The following MRE11 variants were observed in gnomAD, a reference collection of about 807,000 sequenced individuals.
MRE11 encodes the protein double-strand break repair protein MRE11.
Under a neutral mutation model 91.7 loss-of-function variants are expected in MRE11, and 62 were observed. The ratio of observed to expected loss-of-function variants is 0.68; its 90% CI spans 0.55 to 0.84. The LOEUF (loss-of-function observed/expected upper bound fraction) is 0.84. MRE11 is among the 40% of genes least tolerant of loss of function. The probability of loss-of-function intolerance (pLI) is 0.00; values close to 1 mark genes in which losing one functional copy is unlikely to be tolerated. For synonymous variants in MRE11, 273 were observed against 271.4 expected (o/e 1.01, Z -0.06); for missense variants, 796 against 852.9 (o/e 0.93, Z 0.83).
Position 94,446,955 on chromosome 11 carries a change from C to T in MRE11, c.1783+264G>A, listed in dbSNP as rs182738349. 1.1e-3 allele frequency among the ~76,000 whole-genome samples: 172 copies of T among 152,254 alleles called. 2 individuals carry two copies. The highest frequency in any genetic ancestry group is 4.0e-3 in the African/African-American group (165 of 41,542). On this transcript the variant is annotated intron_variant, in intron 15 of 19. Coordinates refer to ENST00000323929, the MANE Select transcript of MRE11 (RefSeq NM_005591.4). ...CATTAAATGTATCCAAAAGGTACTA[C>T]GTGACAAACACAGTGAAGCTTTTAT...
chr11:94,491,969 T>G (rs1248945459), intron 2 of MRE11, among the ~76,000 whole-genome samples: 1 of 152,240 alleles, frequency 6.6e-6, no homozygotes, highest in Non-Finnish European at 1.5e-5. Flanking sequence ...TTCTCTCATT[T>G]AAGCCTCAAA....
chr11:94,482,577 G>T (rs1177493985), intron 4 of MRE11, among the ~76,000 whole-genome samples: 1 of 152,164 alleles, frequency 6.6e-6, no homozygotes, highest in Non-Finnish European at 1.5e-5. Flanking sequence ...ATAGGGTGGG[G>T]AAACAGTTTT....
intron 17 of MRE11, 76 bp downstream of exon 17, chr11:94,437,101 T>A: frequency 7.7e-7 from 1 of 1,295,506 alleles, no homozygotes; most frequent in South Asian, 1.3e-5. Flanking sequence ...ATTTACTTTG[T>A]AAATCAGAGA....
chr11:94,473,020 C>G (rs1337874536), intron 7 of MRE11: 1 of 152,054 alleles, frequency 6.6e-6, no homozygotes, highest in Non-Finnish European at 1.5e-5. Context: ...TCAGGAAGAC[C>G]TCTCTGACTA....
At chr11:94,482,893 G>A (rs576831563) in intron 4 of MRE11, among the ~76,000 whole-genome samples, 4 of 152,086 alleles carry the variant, frequency 2.6e-5, no homozygotes, top group Admixed American at 1.3e-4. Flanking sequence ...AGCCAAGATC[G>A]TGCCTCTGCA....
intron 4 of MRE11, among the ~76,000 whole-genome samples, chr11:94,480,628 A>G (rs1174760053): frequency 6.6e-6 from 1 of 152,238 alleles, no homozygotes; most frequent in African/African-American, 2.4e-5. Context: ...CAAAGAGTAC[A>G]TGTATTTGTA....
chr11:94,449,381 C>T (rs1183975030), intron 14 of MRE11, among the ~76,000 whole-genome samples: 2 of 152,150 alleles, frequency 1.3e-5, no homozygotes, highest in African/African-American at 2.4e-5. Flanking sequence ...ACAGTTAATC[C>T]TCATTATTCA....
At chr11:94,477,998 A>G (rs1946912273) in intron 6 of MRE11, among the ~76,000 whole-genome samples, 1 of 152,192 alleles carries the variant, frequency 6.6e-6, no homozygotes, top group African/African-American at 2.4e-5. Context: ...GAGGAATCTG[A>G]TAATTATAAA....
intron 7 of MRE11, among the ~76,000 whole-genome samples, 177 bp from the exon 8 acceptor site, chr11:94,471,936 A>C (rs535863719): frequency 6.6e-6 from 1 of 152,090 alleles, no homozygotes; most frequent in Non-Finnish European, 1.5e-5. Context: ...CCTGACCTTG[A>C]GAGCTTTACA....
intron 8 of MRE11, 33 bp downstream of exon 8, chr11:94,471,541 C>G (rs762966100): frequency 1.2e-6 from 2 of 1,604,406 alleles, no homozygotes; most frequent in Admixed American, 3.3e-5. Context: ...GCAAAGATTT[C>G]TTAAAAATTG....
At chr11:94,427,850 C>G (rs1020902050) in intron 19 of MRE11, among the ~76,000 whole-genome samples, 3 of 152,100 alleles carry the variant, frequency 2.0e-5, no homozygotes, top group African/African-American at 7.2e-5. Context: ...GGTGAAAGAT[C>G]TCTACAAGGA....
intron 14 of MRE11, among the ~76,000 whole-genome samples, chr11:94,451,475 C>CT (rs1946104137): frequency 6.6e-6 from 1 of 152,172 alleles, no homozygotes; most frequent in Non-Finnish European, 1.5e-5. Context: ...AGCTTCCAAA[C>CT]TGTTTTCACA....
intron 18 of MRE11, among the ~76,000 whole-genome samples, chr11:94,433,146 C>A (rs535612203): frequency 5.3e-5 from 8 of 152,324 alleles, no homozygotes; most frequent in South Asian, 4.1e-4. Flanking sequence ...CCATCTGTTT[C>A]CTCCATTTCA....
chr11:94,457,188 A>G (rs956587473), intron 13 of MRE11, among the ~76,000 whole-genome samples: 1 of 152,200 alleles, frequency 6.6e-6, no homozygotes, highest in Admixed American at 6.5e-5. Context: ...CTGAAATCCA[A>G]TAAAAAACAT....
chr11:94,464,266 G>A lies in MRE11; in HGVS notation c.1099-27C>T, dbSNP rs372936301. ...TGAAAACACAGAATAATCTATGAACGCTAGGAAACAACAATTTGCCAATTT... is the reference window on the plus strand; with the variant it reads ...TGAAAACACAGAATAATCTATGAACACTAGGAAACAACAATTTGCCAATTT... On this transcript the variant is annotated intron_variant, in intron 10 of 19. Transcript: ENST00000323929. 1.7e-5 allele frequency: 27 copies of A among 1,613,300 alleles called. No homozygotes were observed. In the African/African-American group the frequency reaches 2.4e-4, roughly 14 times the overall value.
intron 19 of MRE11, among the ~76,000 whole-genome samples, chr11:94,427,351 TG>T (rs1945351117): frequency 6.6e-6 from 1 of 152,116 alleles, no homozygotes; most frequent in South Asian, 2.1e-4. Context: ...CATCCCTTCA[TG>T]ATAAAAACCC....
intron 18 of MRE11, among the ~76,000 whole-genome samples, chr11:94,435,290 C>G (rs1945572166): frequency 6.6e-6 from 1 of 152,174 alleles, no homozygotes. Flanking sequence ...CGCACTGGCT[C>G]ACATCTGTAA....
rs115694498 is a variant in MRE11, at chr11:94,451,641, G to C, written c.1564-4203C>G. Among the ~76,000 whole-genome samples the C allele has an allele frequency of 5.8e-3, 879 of 151,890 alleles. 5 individuals are homozygous for C. Among genetic ancestry groups the C allele is most frequent in the African/African-American group, 0.019 (797 of 41,416 alleles). On this transcript the variant is annotated intron_variant, in intron 14 of 19. Coordinates refer to ENST00000323929, the MANE Select transcript of MRE11 (RefSeq NM_005591.4). ...GGGTAATGGATATATTACCAGGATG[G>C]GTCAATAAGCTATGTACATAATAAT... is the stretch of plus-strand genomic sequence containing the variant.
intron 14 of MRE11, among the ~76,000 whole-genome samples, chr11:94,449,724 C>T (rs498999): frequency 0.41 from 61,784 of 152,124 alleles, 12,941 homozygotes; most frequent in African/African-American, 0.49. Flanking sequence ...ACTACAAACC[C>T]AGACTATAGG....
Sources: allele counts gnomAD v4.1 joint callset (sites outside exome capture counted in the v4.1 genomes callset), GRCh38; gene constraint gnomAD v4.1.1; transcripts MANE v1.5; gene names NCBI Gene and HGNC (gene_info 2026-07-23, HGNC 2026-07-21).